The following GOLIM4 variants were observed in gnomAD, a reference collection of about 807,000 sequenced individuals.
GOLIM4 encodes golgi integral membrane protein 4.
In GOLIM4, 71 loss-of-function variants were observed where a neutral mutation model predicts 107.4. That is an observed-to-expected ratio of 0.66 (90% CI 0.55 to 0.81). GOLIM4 has a LOEUF of 0.81. Ranked by LOEUF, GOLIM4 falls within the 30% of genes least tolerant of loss-of-function variation. GOLIM4 has a pLI of 0.00. For missense variants in GOLIM4, 830 were observed against 826.1 expected (o/e 1.00, Z -0.06); for synonymous variants, 327 against 294.8 (o/e 1.11, Z -1.12).
rs1250219073 is a variant in GOLIM4 at position 168,057,455 on chromosome 3, C to T, written c.188-9090G>A. Among the ~76,000 whole-genome samples, 4 of 152,158 alleles carry T rather than the reference C, an allele frequency of 2.6e-5. No individual in the cohort carries two copies. In the East Asian group the frequency reaches 7.7e-4, roughly 29 times the overall value. ...CAGTTCCGCATGGCTAGGGAGGCCT[C>T]AGGAAATTTACAATCATGGTGGAAG... is the stretch of plus-strand genomic sequence containing the variant. On this transcript the variant is annotated intron_variant, in intron 1 of 15. Transcript: ENST00000470487.
chr3:168,067,098 C>A (rs71304667), intron 1 of GOLIM4, among the ~76,000 whole-genome samples: 3,863 of 152,102 alleles, frequency 0.025, 80 homozygotes, highest in Non-Finnish European at 0.041. Flanking sequence ...ATGCTTAGTT[C>A]TTTCACTTTT....
At chr3:168,034,856 T>G (rs557655117) in intron 8 of GOLIM4, among the ~76,000 whole-genome samples, 1 of 152,232 alleles carries the variant, frequency 6.6e-6, no homozygotes, top group East Asian at 1.9e-4. Flanking sequence ...CCTGCTGCCA[T>G]CCATGGAAGA....
At chr3:168,030,079 C>T (rs1411810978) in intron 9 of GOLIM4, 43 bp from the exon 10 acceptor site, 2 of 1,587,236 alleles carry the variant, frequency 1.3e-6, no homozygotes, top group Admixed American at 1.7e-5. Flanking sequence ...GGGGTTAGCT[C>T]CTCTGGGTTT....
intron 1 of GOLIM4, among the ~76,000 whole-genome samples, chr3:168,049,761 G>A (rs973292381): frequency 6.6e-6 from 1 of 152,018 alleles, no homozygotes. Context: ...CTCTCTTCTT[G>A]CCCTTTCTCC....
At chr3:168,029,691 T>G in intron 10 of GOLIM4, 89 bp downstream of exon 10, 1 of 1,485,382 alleles carries the variant, frequency 6.7e-7, no homozygotes, top group Non-Finnish European at 9.2e-7. Flanking sequence ...CTTAACTTCA[T>G]GAATCACAAA....
chr3:168,095,118 G>A lies in GOLIM4; in HGVS notation c.168C>T (p.Ser56=), dbSNP rs1029949521. The A allele has an allele frequency of 3.1e-6, 5 of 1,603,402 alleles. No homozygotes were observed. Among genetic ancestry groups the A allele is most frequent in the Non-Finnish European group, 4.3e-6 (5 of 1,172,068 alleles). Residue 56 remains serine (S), a synonymous_variant, in exon 1 of 16, where the codon TCC becomes TCT. Transcript: ENST00000470487. Reference sequence around the variant, plus strand: ...CCGTACCTTGTAACTGGGCGGAGAGGGACTCCTGGTGCTGCTGGTACTTGA... The same window carrying A: ...CCGTACCTTGTAACTGGGCGGAGAGAGACTCCTGGTGCTGCTGGTACTTGA... ...VALKYQQHQE[S]LSAQLQVVYE...
intron 14 of GOLIM4, among the ~76,000 whole-genome samples, chr3:168,023,949 A>C (rs1323243521): frequency 6.6e-6 from 1 of 152,224 alleles, no homozygotes; most frequent in African/African-American, 2.4e-5. Flanking sequence ...AAATATTAAG[A>C]AACTCTATCC....
intron 1 of GOLIM4, among the ~76,000 whole-genome samples, chr3:168,078,890 T>C (rs1442113492): frequency 1.3e-5 from 2 of 152,214 alleles, no homozygotes; most frequent in Admixed American, 6.5e-5. Flanking sequence ...GCTTATCCCC[T>C]GGCTTAACAA....
intron 8 of GOLIM4, 85 bp from the exon 9 acceptor site, chr3:168,032,937 A>T: frequency 1.0e-6 from 1 of 1,000,220 alleles, no homozygotes; most frequent in Non-Finnish European, 1.5e-6. Flanking sequence ...TCTATGGGGC[A>T]TGGGGCTACA....
intron 1 of GOLIM4, among the ~76,000 whole-genome samples, chr3:168,093,355 T>C (rs1722001803): frequency 6.6e-6 from 1 of 152,200 alleles, no homozygotes; most frequent in Non-Finnish European, 1.5e-5. Flanking sequence ...ATAATTTTTG[T>C]TTGTTGTTTG....
intron 7 of GOLIM4, among the ~76,000 whole-genome samples, chr3:168,040,254 T>C (rs1022228149): frequency 2.0e-5 from 3 of 152,226 alleles, no homozygotes; most frequent in African/African-American, 7.2e-5. Flanking sequence ...GGAGCTGTTC[T>C]AGGTTTGAAC....
At position 168,024,667 on chromosome 3, in the gene GOLIM4, A is replaced by G. The variant is rs1717899083; in HGVS notation, c.1792-73T>C. On this transcript the variant is annotated intron_variant, in intron 13 of 15. Coordinates refer to ENST00000470487, the MANE Select transcript of GOLIM4 (RefSeq NM_014498.5). ...CCTTTTACACAGTACTCTGGGACAA[A>G]GAACAAGCATGCCACCATGAAAAGG... The G allele has an allele frequency of 1.3e-5, 16 of 1,234,172 alleles. No homozygotes were observed. In the South Asian group the frequency reaches 1.9e-4, roughly 15 times the overall value. The allele number at this position is 1,234,172 out of a possible 1,614,324, so 76.5% of individuals were successfully genotyped here. A position where few individuals can be genotyped will look rare whatever the true frequency, so the allele number is the denominator to read the frequency against.
intron 12 of GOLIM4, 77 bp from the exon 13 acceptor site, chr3:168,025,172 A>G (rs1577511058): frequency 8.6e-7 from 1 of 1,167,810 alleles, no homozygotes; most frequent in African/African-American, 1.5e-5. Context: ...AAGGCTGCCC[A>G]CTGGCAGAAA....
rs1163608280 is a variant in GOLIM4 at position 168,010,291 on chromosome 3, G to C, written c.2069C>G (p.Ser690Ter). 6.2e-7 allele frequency: 1 copy of C among 1,612,988 alleles called. No individual in the cohort carries two copies. Among genetic ancestry groups the C allele is most frequent in the Admixed American group, 1.7e-5 (1 of 59,830 alleles). ...EEDGAAVAEK[S>*]HRRAEM ...CCGCTACATTTCAGCTCTTCGATGT[G>C]ATTTCTCAGCAACTGCAGCCCCGTC... Residue 690 changes from serine to a stop codon, truncating the protein, a stop_gained, in exon 16 of 16, where the codon TCA becomes TGA. Transcript: ENST00000470487. LOFTEE classifies it high-confidence loss of function.
intron 1 of GOLIM4, among the ~76,000 whole-genome samples, chr3:168,074,210 G>A (rs545589882): frequency 2.0e-5 from 3 of 152,278 alleles, no homozygotes; most frequent in Admixed American, 2.0e-4. Flanking sequence ...ACAACTTCCT[G>A]AGAAACCTAG....
chr3:168,032,275 C>A (rs1718373463), intron 9 of GOLIM4, among the ~76,000 whole-genome samples: 2 of 152,146 alleles, frequency 1.3e-5, no homozygotes, highest in South Asian at 4.1e-4. Context: ...TGACTGTGTA[C>A]AACTGACAAA....
intron 12 of GOLIM4, among the ~76,000 whole-genome samples, chr3:168,026,075 C>T (rs998172982): frequency 6.6e-6 from 1 of 152,168 alleles, no homozygotes; most frequent in South Asian, 2.1e-4. Flanking sequence ...AGACAAGATT[C>T]TACTTCAATT....
At chr3:168,083,385 C>T (rs1721469348) in intron 1 of GOLIM4, among the ~76,000 whole-genome samples, 1 of 152,148 alleles carries the variant, frequency 6.6e-6, no homozygotes, top group African/African-American at 2.4e-5. Flanking sequence ...AGAAACAGTT[C>T]GCATATTATC....
chr3:168,037,192 A>G (rs1718703908), intron 7 of GOLIM4, among the ~76,000 whole-genome samples, 198 bp from the exon 8 acceptor site: 1 of 152,180 alleles, frequency 6.6e-6, no homozygotes, highest in Non-Finnish European at 1.5e-5. Context: ...TTAGAAACAG[A>G]GCTGAAGGAA....
Sources: gnomAD v4.1 joint callset for allele counts (sites outside exome capture counted in the v4.1 genomes callset) on GRCh38, gnomAD v4.1.1 for gene constraint, MANE v1.5 for transcripts, NCBI Gene and HGNC (gene_info 2026-07-23, HGNC 2026-07-21) for gene names.